Variants in MYT1L observed in about 807,000 individuals in gnomAD.
MYT1L encodes myelin transcription factor 1-like protein.
MYT1L carries 12 observed loss-of-function variants against 126.7 expected under a neutral mutation model. The ratio of observed to expected loss-of-function variants is 0.09; its 90% CI spans 0.06 to 0.15. The LOEUF (loss-of-function observed/expected upper bound fraction) is 0.15. Ranked by LOEUF, MYT1L falls within the 10% of genes least tolerant of loss-of-function variation. MYT1L has a pLI of 1.00. For missense variants in MYT1L, 979 were observed against 1,585.2 expected, an observed-to-expected ratio of 0.62 and a Z score of 6.49; for synonymous variants, 541 against 604.2, an observed-to-expected ratio of 0.90 and a Z score of 1.53.
intron 1 of MYT1L, among the ~76,000 whole-genome samples, chr2:2,312,529 CT>C (rs2149615114): frequency 6.6e-6 from 1 of 152,218 alleles, no homozygotes; most frequent in East Asian, 1.9e-4. Context: ...GGGAGGATTA[CT>C]TGAACGTGGG....
intron 2 of MYT1L, among the ~76,000 whole-genome samples, chr2:2,249,790 A>C (rs1203665823): frequency 9.2e-5 from 14 of 152,230 alleles, no homozygotes. Flanking sequence ...ACAAGAGATC[A>C]ATAACCAGAA....
intron 3 of MYT1L, among the ~76,000 whole-genome samples, chr2:2,121,807 A>T (rs564296679): frequency 2.6e-4 from 40 of 152,236 alleles, no homozygotes; most frequent in African/African-American, 9.1e-4. Flanking sequence ...ATTCTCTATT[A>T]TGAATGCAGT....
intron 3 of MYT1L, among the ~76,000 whole-genome samples, chr2:2,128,924 C>T (rs1337130036): frequency 6.6e-6 from 1 of 152,162 alleles, no homozygotes; most frequent in Non-Finnish European, 1.5e-5. Flanking sequence ...AGGGAAGATG[C>T]TTTGTTTGCA....
chr2:2,295,553 G>C (rs572051004), intron 1 of MYT1L, among the ~76,000 whole-genome samples: 1 of 145,616 alleles, frequency 6.9e-6, no homozygotes, highest in African/African-American at 2.5e-5. Flanking sequence ...GAGAGAGAGA[G>C]AGACAGACAG....
rs571303752 is a variant in MYT1L, at chr2:1,854,591, A to C, written c.2712-2888T>G. Among the ~76,000 whole-genome samples, 61 of 152,368 alleles carry C rather than the reference A, an allele frequency of 4.0e-4. 1 individual carries two copies. The highest frequency in any genetic ancestry group is 1.4e-3 in the African/African-American group (59 of 41,582). Reference sequence around the variant, plus strand: ...TCCTTTTTCATCATGAAAACAAACAAAACTATATTGATTTAGCTCATTTTT... The same window carrying C: ...TCCTTTTTCATCATGAAAACAAACACAACTATATTGATTTAGCTCATTTTT... On this transcript the variant is annotated intron_variant, in intron 18 of 24. Transcript: ENST00000647738.
At chr2:1,985,167 C>T (rs1168228972) in intron 5 of MYT1L, among the ~76,000 whole-genome samples, 2 of 152,214 alleles carry the variant, frequency 1.3e-5, no homozygotes, top group Non-Finnish European at 2.9e-5. Flanking sequence ...TCCATTTTGC[C>T]AACCAGCCAG....
intron 8 of MYT1L, among the ~76,000 whole-genome samples, chr2:1,965,142 C>T (rs180777533): frequency 9.2e-5 from 14 of 152,074 alleles, no homozygotes; most frequent in African/African-American, 3.4e-4. Flanking sequence ...GACCCAGGCA[C>T]TCTGTGACTT....
At chr2:2,215,986 C>T (rs1276802540) in intron 2 of MYT1L, among the ~76,000 whole-genome samples, 3 of 152,006 alleles carry the variant, frequency 2.0e-5, no homozygotes, top group East Asian at 1.9e-4. Flanking sequence ...AAATGTGTGG[C>T]ACCCTCTCCC....
chr2:2,141,526 G>A (rs575803606), intron 3 of MYT1L, among the ~76,000 whole-genome samples: 11 of 152,156 alleles, frequency 7.2e-5, no homozygotes, highest in Admixed American at 5.2e-4. Context: ...AGTTCTGCTC[G>A]AGCACTCTTT....
At position 1,943,435 on chromosome 2, in the gene MYT1L, A is replaced by G; in HGVS notation, c.153-101T>C. ...AATGGGGGCCTTGATCAAGGTACTTAAAGGCTTATCATGAATGTCATCAGC... is the reference window on the plus strand; with the variant it reads ...AATGGGGGCCTTGATCAAGGTACTTGAAGGCTTATCATGAATGTCATCAGC... On this transcript the variant is annotated intron_variant, in intron 8 of 24. Coordinates refer to ENST00000647738, the MANE Select transcript of MYT1L (RefSeq NM_001303052.2). This position sits in a 1 kb window ranked among gnomAD's most constrained non-coding sequence, Gnocchi z 4.4. The G allele has an allele frequency of 7.6e-7, 1 of 1,319,766 alleles. No individual in the cohort carries two copies. The highest frequency in any genetic ancestry group is 2.9e-5 in the Admixed American group (1 of 34,466). The allele number at this position is 1,319,766 out of a possible 1,614,324, so 81.8% of individuals were successfully genotyped here. A position where few individuals can be genotyped will look rare whatever the true frequency, so the allele number is the denominator to read the frequency against.
intron 4 of MYT1L, among the ~76,000 whole-genome samples, chr2:2,052,858 C>T (rs913620601): frequency 1.3e-5 from 2 of 152,148 alleles, no homozygotes; most frequent in Non-Finnish European, 2.9e-5. Context: ...GGTGCAGCCA[C>T]TATTGAAAAG....
Position 2,262,915 on chromosome 2 carries a change from A to AATATATATATATATATATATAT in MYT1L, c.-421+21488_-421+21489insATATATATATATATATATATAT, listed in dbSNP as rs61461867. Among the ~76,000 whole-genome samples the AATATATATATATATATATATAT allele has an allele frequency of 3.1e-3, 193 of 62,342 alleles. 13 individuals carry two copies. The highest frequency in any genetic ancestry group is 9.5e-3 in the East Asian group (5 of 524). 40.9% of individuals were successfully genotyped at this position (62,342 alleles called of 152,430 possible). A position where few individuals can be genotyped will look rare whatever the true frequency, so the allele number is the denominator to read the frequency against. On this transcript the variant is annotated intron_variant, in intron 2 of 24. Transcript: ENST00000647738. Reference sequence around the variant, plus strand: ...GTTTTTACCCCAGGTGAGAGGCACAAATATATATATATATATAACCTGTGA... The same window carrying AATATATATATATATATATATAT: ...GTTTTTACCCCAGGTGAGAGGCACAAATATATATATATATATATATATATATATATATATATATAACCTGTGA...
chr2:1,881,924 C>T (rs140777732), intron 18 of MYT1L, among the ~76,000 whole-genome samples: 12 of 151,934 alleles, frequency 7.9e-5, no homozygotes, highest in Middle Eastern at 3.4e-3. Flanking sequence ...ATTCTGAGCT[C>T]GGGCTTTGCC....
chr2:2,060,874 T>C (rs1280899908), intron 3 of MYT1L, among the ~76,000 whole-genome samples: 2 of 151,542 alleles, frequency 1.3e-5, no homozygotes, highest in East Asian at 3.9e-4. Context: ...TTTTTTTTGG[T>C]TCTTAAAAAA....
At chr2:2,267,026 G>A (rs1180228769) in intron 2 of MYT1L, among the ~76,000 whole-genome samples, 2 of 152,230 alleles carry the variant, frequency 1.3e-5, no homozygotes, top group African/African-American at 4.8e-5. Flanking sequence ...GAGTGCTTCA[G>A]CACAGGGAGG....
chr2:1,966,409 T>C (rs960472729), intron 8 of MYT1L, among the ~76,000 whole-genome samples: 2 of 152,200 alleles, frequency 1.3e-5, no homozygotes, highest in African/African-American at 4.8e-5. Flanking sequence ...ATATTCTCTA[T>C]GATCTACAGT....
chr2:1,913,314 T>C (rs1047892043), intron 11 of MYT1L, among the ~76,000 whole-genome samples: 1 of 152,122 alleles, frequency 6.6e-6, no homozygotes, highest in Admixed American at 6.5e-5. Flanking sequence ...CTGGATGTGG[T>C]AGGTCCTAGT....
rs571503823 is a variant in MYT1L at position 2,143,775 on chromosome 2, T to C, written c.-304+29097A>G. On this transcript the variant is annotated intron_variant, in intron 3 of 24. Coordinates refer to ENST00000647738, the MANE Select transcript of MYT1L (RefSeq NM_001303052.2). Reference sequence around the variant, plus strand: ...AAATGCATGTTGACATGGAATACTATGCAGCCATCAAAAGAACGAAATCGT... The same window carrying C: ...AAATGCATGTTGACATGGAATACTACGCAGCCATCAAAAGAACGAAATCGT... Among the ~76,000 whole-genome samples, 8 of 152,250 alleles carry C rather than the reference T, an allele frequency of 5.3e-5. No individual in the cohort carries two copies. In the South Asian group the frequency reaches 1.0e-3, roughly 20 times the overall value.
intron 1 of MYT1L, among the ~76,000 whole-genome samples, chr2:2,302,823 G>A (rs1353338799): frequency 1.3e-5 from 2 of 152,208 alleles, no homozygotes; most frequent in African/African-American, 2.4e-5. Context: ...AAGTCCTTGA[G>A]AGGGGCCAGT....
Sources: gnomAD v4.1 joint callset for allele counts (sites outside exome capture counted in the v4.1 genomes callset) on GRCh38, gnomAD v4.1.1 for gene constraint, Gnocchi (gnomAD v3.1) non-coding constraint, MANE v1.5 for transcripts, NCBI Gene and HGNC (gene_info 2026-07-23, HGNC 2026-07-21) for gene names.